The following CTTNBP2NL variants were observed in gnomAD, a reference collection of about 807,000 sequenced individuals.
CTTNBP2NL encodes CTTNBP2 N-terminal like.
A neutral mutation model predicts 32.5 loss-of-function variants in CTTNBP2NL; 16 were observed. That is an observed-to-expected ratio of 0.49 (90% CI 0.33 to 0.75). CTTNBP2NL has a LOEUF of 0.75. CTTNBP2NL is among the 30% of genes least tolerant of loss of function. The pLI is 0.02. For synonymous variants in CTTNBP2NL, 298 were observed against 289.4 expected, an observed-to-expected ratio of 1.03 and a Z score of -0.30; for missense variants, 645 against 756.0, an observed-to-expected ratio of 0.85 and a Z score of 1.72.
At chr1:112,455,781 T>C (rs1650342469) in intron 5 of CTTNBP2NL, 150 bp from the exon 6 acceptor site, 1 of 606,134 alleles carries the variant, frequency 1.6e-6, no homozygotes, top group Non-Finnish European at 2.9e-6. Flanking sequence ...AGTGTGTGCA[T>C]TTTTTGTGTT....
chr1:112,402,433 T>G (rs114595260), intron 1 of CTTNBP2NL, among the ~76,000 whole-genome samples: 36 of 151,594 alleles, frequency 2.4e-4, no homozygotes, highest in African/African-American at 8.5e-4. Flanking sequence ...AAAAGAAAAG[T>G]GAGAGCCAGG....
At chr1:112,439,830 C>T (rs535619583) in intron 3 of CTTNBP2NL, among the ~76,000 whole-genome samples, 3 of 152,304 alleles carry the variant, frequency 2.0e-5, no homozygotes, top group Non-Finnish European at 2.9e-5. Context: ...CAGAACCCAC[C>T]CACTTCCAGG....
intron 1 of CTTNBP2NL, among the ~76,000 whole-genome samples, chr1:112,402,014 A>G (rs527337713): frequency 1.3e-5 from 2 of 152,354 alleles, no homozygotes; most frequent in Non-Finnish European, 2.9e-5. Context: ...GTCTACAGAC[A>G]AAGACTCCTG....
intron 3 of CTTNBP2NL, among the ~76,000 whole-genome samples, chr1:112,421,918 A>G (rs1649244146): frequency 6.6e-6 from 1 of 152,122 alleles, no homozygotes; most frequent in Non-Finnish European, 1.5e-5. Context: ...TTTTTCATTG[A>G]TTTGTTTATT....
chr1:112,431,383 TATC>T (rs533951323), intron 3 of CTTNBP2NL, among the ~76,000 whole-genome samples: 120 of 152,330 alleles, frequency 7.9e-4, no homozygotes, highest in African/African-American at 2.8e-3. Flanking sequence ...AACTAAAACA[TATC>T]ATTTAGTATT....
At position 112,430,700 on chromosome 1, in the gene CTTNBP2NL, C is replaced by T. The variant is rs571097371; in HGVS notation, c.99+14436C>T. Among the ~76,000 whole-genome samples, 126 of 152,084 alleles carry T rather than the reference C, an allele frequency of 8.3e-4. 1 individual carries two copies. The South Asian group carries it at 0.025, about 30-fold the overall frequency. On this transcript the variant is annotated intron_variant, in intron 3 of 5. Coordinates refer to ENST00000271277, the MANE Select transcript of CTTNBP2NL (RefSeq NM_018704.3). ...TCCCGAATAGCTGGGACTACAGGTG[C>T]GTGCCACCTTGTCCAGCTAATTTTT... is the stretch of plus-strand genomic sequence containing the variant.
chr1:112,424,429 C>CT (rs1276070748), intron 3 of CTTNBP2NL, among the ~76,000 whole-genome samples: 3 of 152,084 alleles, frequency 2.0e-5, no homozygotes, highest in Non-Finnish European at 4.4e-5. Flanking sequence ...TTATTGTGGC[C>CT]TTGTGGTAAC....
At chr1:112,421,221 T>C (rs2101006395) in intron 3 of CTTNBP2NL, among the ~76,000 whole-genome samples, 1 of 151,930 alleles carries the variant, frequency 6.6e-6, no homozygotes, top group Non-Finnish European at 1.5e-5. Context: ...GGAGGCATTA[T>C]GTTGCCAAGG....
At chr1:112,393,253 C>T (rs1648227175), upstream of CTTNBP2NL, among the ~76,000 whole-genome samples, 1 of 152,168 alleles carries the variant, frequency 6.6e-6, no homozygotes, top group South Asian at 2.1e-4. Context: ...TAGTTGATGA[C>T]AGAATAAGAA....
intron 1 of CTTNBP2NL, among the ~76,000 whole-genome samples, chr1:112,409,147 A>G (rs1275461009): frequency 1.3e-5 from 2 of 151,162 alleles, no homozygotes; most frequent in African/African-American, 4.8e-5. Flanking sequence ...AAAAAAAAAA[A>G]GGAGTCTTTA....
intron 4 of CTTNBP2NL, among the ~76,000 whole-genome samples, 190 bp downstream of exon 4, chr1:112,449,362 T>G (rs1206667270): frequency 3.9e-5 from 2 of 51,506 alleles, no homozygotes; most frequent in African/African-American, 9.5e-5. Flanking sequence ...ATGTTAAGTT[T>G]AGAGAACGTG....
intron 3 of CTTNBP2NL, among the ~76,000 whole-genome samples, chr1:112,422,650 A>G (rs1485427647): frequency 6.6e-6 from 1 of 152,210 alleles, no homozygotes; most frequent in Non-Finnish European, 1.5e-5. Flanking sequence ...GGTATAGCCA[A>G]TCTTTTTCAT....
At chr1:112,437,173 A>G (rs1649759849) in intron 3 of CTTNBP2NL, among the ~76,000 whole-genome samples, 1 of 152,098 alleles carries the variant, frequency 6.6e-6, no homozygotes, top group Admixed American at 6.6e-5. Context: ...GATTACTGGT[A>G]GTTCTGTTTT....
rs1030268257 is a variant in CTTNBP2NL, at chr1:112,459,174, T to C, written c.*1762T>C. ...TTGCAAGCTGCCAAGTTGCAACCTC[T>C]TTCATTCTAGAAACTTCTGTCATTT... On this transcript the variant is annotated 3_prime_UTR_variant, in exon 6 of 6. Transcript: ENST00000271277. 6.6e-6 allele frequency: 1 copy of C among 152,226 alleles called. No individual in the cohort carries two copies. Among genetic ancestry groups the C allele is most frequent in the Non-Finnish European group, 1.5e-5 (1 of 68,036 alleles). 9.4% of individuals were successfully genotyped at this position (152,226 alleles called of 1,614,324 possible). A position where few individuals can be genotyped will look rare whatever the true frequency, so the allele number is the denominator to read the frequency against.
intron 3 of CTTNBP2NL, among the ~76,000 whole-genome samples, chr1:112,426,108 T>C (rs1263479239): frequency 6.6e-6 from 1 of 152,010 alleles, no homozygotes. Context: ...TGTCAAGTTG[T>C]TGGCCGTAGG....
chr1:112,404,034 A>G (rs891026168), intron 1 of CTTNBP2NL, among the ~76,000 whole-genome samples: 5 of 152,270 alleles, frequency 3.3e-5, no homozygotes, highest in African/African-American at 1.2e-4. Context: ...TAAACCATGC[A>G]GCCTCCTGTT....
intron 3 of CTTNBP2NL, among the ~76,000 whole-genome samples, chr1:112,431,319 A>G (rs1302558520): frequency 1.3e-5 from 2 of 152,206 alleles, no homozygotes; most frequent in Admixed American, 6.5e-5. Flanking sequence ...GGTTATTTCT[A>G]GTTGTCCCCA....
Position 112,457,170 on chromosome 1 carries a change from A to T in CTTNBP2NL, c.1678A>T (p.Ser560Cys), listed in dbSNP as rs1557900071. ...TCCAGGGAAAGTGTCCAGTCCCCTG[A>T]GCCCCCTGTCTCCAGGAATCAAGTC... The part of the protein sequence containing the change: ...PTPGKVSSPL[S>C]PLSPGIKSPT... Residue 560 changes from serine (S) to cysteine (C), a missense_variant, in exon 6 of 6, where the codon AGC becomes TGC. Physicochemically the swap from Ser to Cys is moderately radical, Grantham distance 112. Transcript: ENST00000271277. 6.2e-7 allele frequency: 1 copy of T among 1,614,154 alleles called. No individual in the cohort carries two copies. Among genetic ancestry groups the T allele is most frequent in the Middle Eastern group, 1.6e-4 (1 of 6,062 alleles).
intron 4 of CTTNBP2NL, among the ~76,000 whole-genome samples, chr1:112,453,131 G>A (rs1398187490): frequency 6.6e-6 from 1 of 151,620 alleles, no homozygotes; most frequent in Admixed American, 6.6e-5. Context: ...GAAGGAAGGG[G>A]GTGGGGGAGG....
Sources: gnomAD v4.1 joint callset for allele counts (sites outside exome capture counted in the v4.1 genomes callset) on GRCh38, gnomAD v4.1.1 for gene constraint, MANE v1.5 for transcripts, NCBI Gene and HGNC (gene_info 2026-07-23, HGNC 2026-07-21) for gene names.